SMARCC1: variants seen among roughly 807,000 people sequenced by gnomAD.
SMARCC1 encodes SWI/SNF related BAF chromatin remodeling complex subunit C1.
A neutral mutation model predicts 147.4 loss-of-function variants in SMARCC1; 43 were observed. The ratio of observed to expected loss-of-function variants is 0.29; its 90% CI spans 0.23 to 0.38. The LOEUF (loss-of-function observed/expected upper bound fraction) is 0.38. SMARCC1 is among the 10% of genes least tolerant of loss of function. SMARCC1 has a pLI of 1.00. For missense variants in SMARCC1, 1,119 were observed against 1,381.1 expected, an observed-to-expected ratio of 0.81 and a Z score of 3.01; for synonymous variants, 495 against 484.4, an observed-to-expected ratio of 1.02 and a Z score of -0.29.
At chr3:47,589,796 G>A (rs1254552227) in intron 27 of SMARCC1, among the ~76,000 whole-genome samples, 1 of 152,186 alleles carries the variant, frequency 6.6e-6, no homozygotes, top group Non-Finnish European at 1.5e-5. Flanking sequence ...TTCTATCCAA[G>A]TTTTCATTTC....
chr3:47,751,671 C>T (rs772933070), intron 2 of SMARCC1, among the ~76,000 whole-genome samples: 3 of 151,782 alleles, frequency 2.0e-5, no homozygotes, highest in Non-Finnish European at 1.5e-5. Flanking sequence ...GTTCGAGACC[C>T]GCCTGGGTAA....
chr3:47,639,719 C>CAAAA (rs1157331572), intron 21 of SMARCC1, among the ~76,000 whole-genome samples: 1 of 143,720 alleles, frequency 7.0e-6, no homozygotes, highest in Non-Finnish European at 1.5e-5. Context: ...ATCTCAAAAC[C>CAAAA]AACCAACCAA....
chr3:47,701,197 A>T, intron 11 of SMARCC1, 81 bp downstream of exon 11: 5 of 1,221,558 alleles, frequency 4.1e-6, no homozygotes, highest in Non-Finnish European at 5.9e-6. Flanking sequence ...CTGTGGACCC[A>T]CAGCAAGCAA....
intron 27 of SMARCC1, among the ~76,000 whole-genome samples, chr3:47,589,462 T>C (rs2032141193): frequency 6.6e-6 from 1 of 152,194 alleles, no homozygotes; most frequent in South Asian, 2.1e-4. Context: ...TGGTCAACTC[T>C]CTTGATAGGC....
In SMARCC1 at chr3:47,662,346, T is replaced by G. The variant is rs2033357721; in HGVS notation, c.2146A>C (p.Lys716Gln). 1 of 1,613,962 alleles carries G rather than the reference T, an allele frequency of 6.2e-7. No individual in the cohort carries two copies. The highest frequency in any genetic ancestry group is 1.3e-5 in the African/African-American group (1 of 74,940). Residue 716 changes from lysine to glutamine, a missense_variant, in exon 20 of 28, where the codon AAA (lysine) becomes CAA (glutamine). By Grantham distance (53) the Lys-to-Gln change is moderately conservative. Around this residue, in one of 6 missense-constraint regions of SMARCC1, gnomAD observed 178 missense variants for 264.6 expected, o/e 0.67. Coordinates refer to ENST00000254480, the MANE Select transcript of SMARCC1 (RefSeq NM_003074.4). ...GGGAAGTCCATACCCAAAGCCGCTT[T>G]TGCTGCAGCAGATGCCACGCGAGGG... ...VDPRVASAAA[K>Q]AALEEFSRVR...
intron 21 of SMARCC1, among the ~76,000 whole-genome samples, chr3:47,660,237 G>C (rs953953879): frequency 6.6e-6 from 1 of 151,954 alleles, no homozygotes; most frequent in Admixed American, 6.6e-5. Context: ...ACGAGGTCAG[G>C]AGATCGAGAC....
intron 24 of SMARCC1, among the ~76,000 whole-genome samples, chr3:47,633,817 C>CATAT (rs1357630424): frequency 1.6e-5 from 2 of 125,412 alleles, no homozygotes; most frequent in African/African-American, 2.9e-5. Flanking sequence ...CACACACACA[C>CATAT]ATATATATAA....
chr3:47,610,974 T>C (rs1019332064), intron 25 of SMARCC1, among the ~76,000 whole-genome samples: 4 of 152,178 alleles, frequency 2.6e-5, no homozygotes, highest in Admixed American at 2.6e-4. Flanking sequence ...TAGTTGCCTA[T>C]AAAAAAATTT....
intron 1 of SMARCC1, among the ~76,000 whole-genome samples, chr3:47,774,214 C>T (rs2034947884): frequency 6.7e-6 from 1 of 148,502 alleles, no homozygotes; most frequent in South Asian, 2.1e-4. Context: ...TTACTTACAG[C>T]ATATAAAAAG....
chr3:47,647,713 T>C (rs780284445), intron 21 of SMARCC1, among the ~76,000 whole-genome samples: 8 of 152,228 alleles, frequency 5.3e-5, no homozygotes, highest in Admixed American at 3.3e-4. Flanking sequence ...TCAATACTTA[T>C]GTGAGACTAA....
chr3:47,682,984 T>C (rs1474751582), intron 14 of SMARCC1, among the ~76,000 whole-genome samples: 1 of 152,230 alleles, frequency 6.6e-6, no homozygotes, highest in Non-Finnish European at 1.5e-5. Flanking sequence ...GATATGCACT[T>C]ATTCTGTTCC....
intron 14 of SMARCC1, among the ~76,000 whole-genome samples, chr3:47,680,839 G>A (rs886888978): frequency 6.6e-6 from 1 of 151,518 alleles, no homozygotes. Flanking sequence ...GAGCCACCGC[G>A]CCCGGCCGGA....
At chr3:47,594,160 C>CAA (rs35893415) in intron 26 of SMARCC1, among the ~76,000 whole-genome samples, 2,143 of 133,406 alleles carry the variant, frequency 0.016, 53 homozygotes, top group African/African-American at 0.051. Context: ...AATGAAACTC[C>CAA]AAAAAAAAAA....
At chr3:47,708,521 A>C (rs953594509) in intron 9 of SMARCC1, among the ~76,000 whole-genome samples, 1 of 152,180 alleles carries the variant, frequency 6.6e-6, no homozygotes, top group Non-Finnish European at 1.5e-5. Flanking sequence ...TCTGAACAGA[A>C]ATGGGTATGA....
chr3:47,629,665 G>A (rs1456412306), intron 24 of SMARCC1, among the ~76,000 whole-genome samples: 1 of 152,094 alleles, frequency 6.6e-6, no homozygotes, highest in Admixed American at 6.5e-5. Flanking sequence ...TAGAAAGGAT[G>A]TATAGAGAAT....
At chr3:47,769,562 GA>G (rs2034883504) in intron 2 of SMARCC1, among the ~76,000 whole-genome samples, 1 of 151,826 alleles carries the variant, frequency 6.6e-6, no homozygotes, top group South Asian at 2.1e-4. Context: ...ACCACTACCT[GA>G]AAATCCCATC....
At chr3:47,735,896 ACT>A in intron 5 of SMARCC1, 136 bp downstream of exon 5, 1 of 473,478 alleles carries the variant, frequency 2.1e-6, no homozygotes, top group Non-Finnish European at 3.7e-6. Flanking sequence ...AAAAAAAAAA[ACT>A]CAAGAAAAAA....
chr3:47,726,061 C>CAAAAAAAAAAAAA (rs546659321), intron 6 of SMARCC1, among the ~76,000 whole-genome samples: 13,648 of 50,234 alleles, frequency 0.27, 3,778 homozygotes, highest in Non-Finnish European at 0.35. Flanking sequence ...GACTCTGTCT[C>CAAAAAAAAAAAAA]AAAAAAAAAA....
intron 3 of SMARCC1, 134 bp downstream of exon 3, chr3:47,745,774 G>C: frequency 1.9e-6 from 1 of 514,920 alleles, no homozygotes; most frequent in South Asian, 4.1e-5. Flanking sequence ...CTTGGATGTA[G>C]AAACAAGGTA....
Sources: gnomAD v4.1 joint callset for allele counts (sites outside exome capture counted in the v4.1 genomes callset) on GRCh38, gnomAD v4.1.1 for gene constraint, gnomAD v4.1.1 regional missense constraint, MANE v1.5 for transcripts, NCBI Gene and HGNC (gene_info 2026-07-23, HGNC 2026-07-21) for gene names.